The following LRP1B variants were observed in gnomAD, a reference collection of about 807,000 sequenced individuals.
The protein encoded by LRP1B is LDL receptor related protein 1B.
A neutral mutation model predicts 556.6 loss-of-function variants in LRP1B; 217 were observed. The ratio of observed to expected loss-of-function variants is 0.39; its 90% confidence interval spans 0.35 to 0.44. LRP1B has a LOEUF of 0.44. Among genes scored for constraint, LRP1B ranks in the 20% least tolerant of loss-of-function variants. The pLI is 1.00. For missense variants in LRP1B, 5,053 were observed against 5,620.8 expected (o/e 0.90, Z 3.23); for synonymous variants, 2,047 against 1,865.8 (o/e 1.10, Z -2.50).
At chr2:140,570,996 T>C (rs1681301833) in intron 43 of LRP1B, among the ~76,000 whole-genome samples, 1 of 151,560 alleles carries the variant, frequency 6.6e-6, no homozygotes, top group Admixed American at 6.6e-5. Context: ...CTCAACAAAT[T>C]AAGTAAATAA....
At chr2:141,430,865 C>T (rs1444774588) in intron 3 of LRP1B, among the ~76,000 whole-genome samples, 3 of 152,018 alleles carry the variant, frequency 2.0e-5, no homozygotes, top group Non-Finnish European at 4.4e-5. Flanking sequence ...TGTGACGGCT[C>T]ATGCCTGTAA....
At chr2:141,804,134 T>C (rs1290008281) in intron 2 of LRP1B, among the ~76,000 whole-genome samples, 1 of 152,118 alleles carries the variant, frequency 6.6e-6, no homozygotes, top group Non-Finnish European at 1.5e-5. Context: ...AATTTTCAAA[T>C]GACAATGTAT....
chr2:140,460,029 C>G (rs934620555), intron 60 of LRP1B, among the ~76,000 whole-genome samples: 3 of 152,062 alleles, frequency 2.0e-5, no homozygotes, highest in African/African-American at 4.8e-5. Flanking sequence ...ATTACCTAGT[C>G]TCAGATAGTT....
intron 3 of LRP1B, among the ~76,000 whole-genome samples, chr2:141,343,676 A>C (rs1688148188): frequency 6.6e-6 from 1 of 152,174 alleles, no homozygotes; most frequent in Non-Finnish European, 1.5e-5. Flanking sequence ...TGATGTGTGA[A>C]TCACTCTGGC....
At position 142,130,910 on chromosome 2, in the gene LRP1B, G is replaced by A. The variant is rs187048727; in HGVS notation, c.-181C>T. Reference sequence around the variant, plus strand: ...GTCAGCCTTCTCCTGCCTGGAGCAGGATGTGGAAGGTGGAGGGATGCGCGC... The same window carrying A: ...GTCAGCCTTCTCCTGCCTGGAGCAGAATGTGGAAGGTGGAGGGATGCGCGC... On this transcript the variant is annotated 5_prime_UTR_variant, in exon 1 of 91. Coordinates refer to ENST00000389484, the MANE Select transcript of LRP1B (RefSeq NM_018557.3). The A allele has an allele frequency of 5.2e-4, 340 of 649,960 alleles. No individual in the cohort carries two copies. In the African/African-American group the frequency reaches 5.5e-3, roughly 10 times the overall value. 40.3% of individuals were successfully genotyped at this position (649,960 alleles called of 1,614,324 possible).
intron 11 of LRP1B, among the ~76,000 whole-genome samples, chr2:141,034,119 T>C (rs1698459399): frequency 6.6e-6 from 1 of 152,142 alleles, no homozygotes; most frequent in Non-Finnish European, 1.5e-5. Flanking sequence ...GATCATGGTG[T>C]TCCTCTTTCT....
At chr2:141,603,411 G>C (rs1687817730) in intron 2 of LRP1B, among the ~76,000 whole-genome samples, 1 of 152,130 alleles carries the variant, frequency 6.6e-6, no homozygotes, top group Non-Finnish European at 1.5e-5. Context: ...CATGAAAAGT[G>C]CTTGTTCTCC....
intron 3 of LRP1B, among the ~76,000 whole-genome samples, chr2:141,441,810 C>G (rs979848241): frequency 2.0e-5 from 3 of 152,160 alleles, no homozygotes; most frequent in African/African-American, 7.2e-5. Flanking sequence ...TTCAATAATG[C>G]AAGTTGAACT....
chr2:141,410,484 A>C (rs1242947916), intron 3 of LRP1B, among the ~76,000 whole-genome samples: 1 of 152,112 alleles, frequency 6.6e-6, no homozygotes, highest in Non-Finnish European at 1.5e-5. Context: ...GTTATATAAC[A>C]TCAGGTACAG....
intron 8 of LRP1B, among the ~76,000 whole-genome samples, chr2:141,060,221 T>C (rs926901649): frequency 1.3e-5 from 2 of 151,754 alleles, no homozygotes; most frequent in Non-Finnish European, 2.9e-5. Flanking sequence ...AAAAAAAGAC[T>C]GGCTTTACAT....
chr2:142,043,689 G>C (rs1411997458), intron 1 of LRP1B, among the ~76,000 whole-genome samples: 1 of 151,630 alleles, frequency 6.6e-6, no homozygotes, highest in Non-Finnish European at 1.5e-5. Context: ...TTTTTCAACA[G>C]CTCAATGTCT....
intron 29 of LRP1B, among the ~76,000 whole-genome samples, chr2:140,842,972 T>C (rs4461204): frequency 0.88 from 132,782 of 151,472 alleles, 58,890 homozygotes; most frequent in East Asian, 1. Flanking sequence ...GAACTTAATC[T>C]TTTCTGCATT....
At chr2:141,701,267 C>T (rs1311301189) in intron 2 of LRP1B, among the ~76,000 whole-genome samples, 2 of 151,826 alleles carry the variant, frequency 1.3e-5, no homozygotes, top group Admixed American at 1.3e-4. Context: ...ACATCTGGTC[C>T]TCTAACCACA....
intron 1 of LRP1B, among the ~76,000 whole-genome samples, chr2:142,126,933 A>G (rs1707675595): frequency 6.6e-6 from 1 of 151,886 alleles, no homozygotes; most frequent in South Asian, 2.1e-4. Context: ...GTAACTGGCA[A>G]GAAACTAATG....
In LRP1B at chr2:141,094,730, G is replaced by A. The variant is rs1363874221; in HGVS notation, c.1014-32457C>T. Reference sequence around the variant, plus strand: ...CTGAGGAAGAACTTCATTACAATAGGGTCAGCCTCTCAGGCCATACAGCTG... The same window carrying A: ...CTGAGGAAGAACTTCATTACAATAGAGTCAGCCTCTCAGGCCATACAGCTG... On this transcript the variant is annotated intron_variant, in intron 7 of 90. Transcript: ENST00000389484. Among the ~76,000 whole-genome samples the A allele has an allele frequency of 2.0e-5, 3 of 152,014 alleles. No individual in the cohort carries two copies. The East Asian group carries it at 5.8e-4, about 29-fold the overall frequency.
chr2:141,104,542 T>C (rs1004647351), intron 7 of LRP1B, among the ~76,000 whole-genome samples: 5 of 152,070 alleles, frequency 3.3e-5, no homozygotes, highest in Admixed American at 6.6e-5. Flanking sequence ...AATGGAATAG[T>C]CTCTCTTATT....
intron 32 of LRP1B, among the ~76,000 whole-genome samples, chr2:140,794,100 A>G (rs894620598): frequency 6.6e-6 from 1 of 152,140 alleles, no homozygotes; most frequent in Non-Finnish European, 1.5e-5. Context: ...ATAATTCTGA[A>G]TTTGAAGATA....
rs149813145 is a variant in LRP1B at position 142,026,429 on chromosome 2, A to G, written c.82+104219T>C. On this transcript the variant is annotated intron_variant, in intron 1 of 90. Coordinates refer to ENST00000389484, the MANE Select transcript of LRP1B (RefSeq NM_018557.3). ...CATGTCATAATGGTCATATTCCATGAGTGAATCTATGTGATAAATAACACC... is the reference window on the plus strand; with the variant it reads ...CATGTCATAATGGTCATATTCCATGGGTGAATCTATGTGATAAATAACACC... 2.6e-5 allele frequency among the ~76,000 whole-genome samples: 4 copies of G among 152,228 alleles called. No individual in the cohort carries two copies. The East Asian group carries it at 7.7e-4, about 29-fold the overall frequency.
intron 29 of LRP1B, among the ~76,000 whole-genome samples, chr2:140,844,065 C>CTT (rs1285641935): frequency 6.8e-6 from 1 of 146,796 alleles, no homozygotes; most frequent in Non-Finnish European, 1.5e-5. Context: ...TTAATTCTAA[C>CTT]TTTTTTTTTT....
Sources: gnomAD v4.1 joint callset for allele counts (sites outside exome capture counted in the v4.1 genomes callset) on GRCh38, gnomAD v4.1.1 for gene constraint, MANE v1.5 for transcripts, NCBI Gene and HGNC (gene_info 2026-07-23, HGNC 2026-07-21) for gene names.